Variants in CCDC88A observed in about 807,000 individuals in gnomAD.
CCDC88A encodes coiled-coil and HOOK domain protein 88A.
CCDC88A carries 54 observed loss-of-function variants against 234.3 expected under a neutral mutation model. The observed-to-expected ratio is 0.23, with a 90% CI of 0.19 to 0.29. The LOEUF (loss-of-function observed/expected upper bound fraction) is 0.29, where lower values mean the gene tolerates loss of function less well. Among genes scored for constraint, CCDC88A ranks in the 10% least tolerant of loss-of-function variants. CCDC88A has a pLI of 1.00. For missense variants in CCDC88A, 1,832 were observed against 2,123.4 expected, an observed-to-expected ratio of 0.86 and a Z score of 2.70; for synonymous variants, 753 against 737.8, an observed-to-expected ratio of 1.02 and a Z score of -0.33.
intron 2 of CCDC88A, chr2:55,404,707 T>C (rs762281659): frequency 6.6e-6 from 1 of 152,134 alleles, no homozygotes; most frequent in African/African-American, 2.4e-5. Context: ...AGAAAGAAAC[T>C]GTTTTGGGGA....
chr2:55,312,805 G>T, intron 22 of CCDC88A: 1 of 308,806 alleles, frequency 3.2e-6, no homozygotes. Flanking sequence ...CAAACACTGG[G>T]TCTAATATAT....
chr2:55,403,992 A>G (rs762524156), intron 2 of CCDC88A: 3 of 152,174 alleles, frequency 2.0e-5, no homozygotes, highest in Non-Finnish European at 4.4e-5. Context: ...AGAAATTCCA[A>G]AGTGGGCTGA....
rs1009164912 is a variant in CCDC88A at position 55,318,545 on chromosome 2, G to C, written c.3324+298C>G. Among the ~76,000 whole-genome samples the C allele has an allele frequency of 1.1e-4, 17 of 152,238 alleles. 1 individual carries two copies. The highest frequency in any genetic ancestry group is 4.1e-4 in the African/African-American group (17 of 41,556). ...AGCTATACAAATGAAATAAGGAATA[G>C]TATGCTGCAAGCATACTCTAAAGCA... On this transcript the variant is annotated intron_variant, in intron 19 of 32. Coordinates refer to ENST00000436346, the MANE Select transcript of CCDC88A (RefSeq NM_001365480.1).
chr2:55,390,483 G>C (rs1487277293), intron 2 of CCDC88A, among the ~76,000 whole-genome samples: 2 of 152,186 alleles, frequency 1.3e-5, no homozygotes, highest in Non-Finnish European at 2.9e-5. Context: ...GATTACTCAA[G>C]GGACTAGTTG....
chr2:55,359,382 C>G (rs761760716), intron 7 of CCDC88A, among the ~76,000 whole-genome samples: 50 of 151,778 alleles, frequency 3.3e-4, no homozygotes, highest in Admixed American at 3.3e-4. Flanking sequence ...AGAAAGAAAC[C>G]TGGTATTTTA....
At chr2:55,415,650 A>C (rs1378399287) in intron 2 of CCDC88A, among the ~76,000 whole-genome samples, 1 of 152,200 alleles carries the variant, frequency 6.6e-6, no homozygotes, top group African/African-American at 2.4e-5. Flanking sequence ...AGAGTTGAAC[A>C]GTGAGAAAGA....
intron 3 of CCDC88A, among the ~76,000 whole-genome samples, chr2:55,386,455 G>GTTTGTATTTTATTTT (rs1675658390): frequency 2.6e-5 from 1 of 38,344 alleles, no homozygotes. Flanking sequence ...ATTTTTTGTA[G>GTTTGTATTTTATTTT]ATTGTATTTT....
chr2:55,381,983 A>C (rs1464717919), intron 3 of CCDC88A, among the ~76,000 whole-genome samples: 2 of 152,220 alleles, frequency 1.3e-5, no homozygotes, highest in African/African-American at 4.8e-5. Flanking sequence ...CATATCTGTC[A>C]GTTTATCCAT....
intron 22 of CCDC88A, chr2:55,314,991 A>C (rs180925580): frequency 3.0e-4 from 46 of 152,374 alleles, no homozygotes; most frequent in African/African-American, 1.1e-3. Context: ...GGATGCATAG[A>C]TAGCTAGGGC....
Position 55,317,913 on chromosome 2 carries a change from A to G in CCDC88A, c.3325-72T>C. On this transcript the variant is annotated intron_variant, in intron 19 of 32. Transcript: ENST00000436346. This position sits in a 1 kb window ranked among gnomAD's most constrained non-coding sequence, Gnocchi z 4.2. ...TTCTTTTTCAAAATACAAGATTACA[A>G]TGTTAATTAAAGAAAGCTCTAAATG... The G allele has an allele frequency of 9.1e-7, 1 of 1,100,436 alleles. No homozygotes were observed. The highest frequency in any genetic ancestry group is 1.3e-6 in the Non-Finnish European group (1 of 769,248). The allele number at this position is 1,100,436 out of a possible 1,614,324, so 68.2% of individuals were successfully genotyped here.
Position 55,308,656 on chromosome 2 carries a change from G to A in CCDC88A, c.4387+153C>T, listed in dbSNP as rs1175705613. On this transcript the variant is annotated intron_variant, in intron 25 of 32. Coordinates refer to ENST00000436346, the MANE Select transcript of CCDC88A (RefSeq NM_001365480.1). ...ATTTACCTCAGAAAATTGTGTGGCT[G>A]TACACTAATGCAGTACACAATTAAT... 9 of 613,820 alleles carry A rather than the reference G, an allele frequency of 1.5e-5. No homozygotes were observed. The African/African-American group carries it at 1.5e-4, about 10-fold the overall frequency. The allele number at this position is 613,820 out of a possible 1,614,324, so 38.0% of individuals were successfully genotyped here.
intron 29 of CCDC88A, among the ~76,000 whole-genome samples, chr2:55,297,599 C>T (rs547368235): frequency 4.0e-5 from 6 of 149,282 alleles, no homozygotes; most frequent in East Asian, 4.0e-4. Flanking sequence ...TTAGTAGAGA[C>T]GGGGCTTCAC....
chr2:55,322,712 A>G lies in CCDC88A; in HGVS notation c.2998-20T>C, dbSNP rs775624506. On this transcript the variant is annotated intron_variant, in intron 17 of 32. Coordinates refer to ENST00000436346, the MANE Select transcript of CCDC88A (RefSeq NM_001365480.1). ...TTTCACCTAAAATTTTATTTAAAAT[A>G]TTTTAATGGGGAGAAAAAAATCACC... 2 of 1,342,906 alleles carry G rather than the reference A, an allele frequency of 1.5e-6. No individual in the cohort carries two copies. Among genetic ancestry groups the G allele is most frequent in the South Asian group, 1.5e-5 (1 of 64,542 alleles). 83.2% of individuals were successfully genotyped at this position (1,342,906 alleles called of 1,614,324 possible). A position where few individuals can be genotyped will look rare whatever the true frequency, so the allele number is the denominator to read the frequency against.
At chr2:55,362,177 T>A in intron 7 of CCDC88A, 131 bp downstream of exon 7, 1 of 640,336 alleles carries the variant, frequency 1.6e-6, no homozygotes, top group Non-Finnish European at 2.5e-6. Context: ...GTTCCTGTGT[T>A]CCACACAAAA....
chr2:55,343,687 C>T lies in CCDC88A; in HGVS notation c.1294G>A (p.Glu432Lys). 6.2e-7 allele frequency: 1 copy of T among 1,611,424 alleles called. No individual in the cohort carries two copies. Among genetic ancestry groups the T allele is most frequent in the Non-Finnish European group, 8.5e-7 (1 of 1,178,618 alleles). ...SMDESLHLGW[E>K]LEQISRTSEL... Reference sequence around the variant, plus strand: ...CTAGTTCTGGATATCTGTTCCAGTTCCCAGCCAAGATGTAATGATTCATCC... The same window carrying T: ...CTAGTTCTGGATATCTGTTCCAGTTTCCAGCCAAGATGTAATGATTCATCC... The change falls in exon 12 of 33, where the codon GAA becomes AAA. Residue 432 changes from glutamate to lysine, a missense_variant. Physicochemically the swap from Glu to Lys is moderately conservative, Grantham distance 56 (BLOSUM62 1). Coordinates refer to ENST00000436346, the MANE Select transcript of CCDC88A (RefSeq NM_001365480.1).
chr2:55,344,151 G>A (rs1350810514), intron 11 of CCDC88A: 1 of 382,364 alleles, frequency 2.6e-6, no homozygotes, highest in Non-Finnish European at 4.6e-6. Flanking sequence ...TTAAAAGGTT[G>A]AAGACAACAT....
intron 17 of CCDC88A, among the ~76,000 whole-genome samples, chr2:55,326,493 A>G (rs1008020434): frequency 6.6e-6 from 1 of 152,250 alleles, no homozygotes; most frequent in Admixed American, 6.5e-5. Context: ...TTATAACAAT[A>G]TAAATTCAGT....
chr2:55,406,580 C>T (rs1336668563), intron 2 of CCDC88A, among the ~76,000 whole-genome samples: 2 of 152,040 alleles, frequency 1.3e-5, no homozygotes, highest in African/African-American at 4.8e-5. Context: ...ATGGAAAAAC[C>T]CCGTCTCTAC....
chr2:55,351,511 A>G (rs907976127), intron 8 of CCDC88A, among the ~76,000 whole-genome samples: 1 of 151,876 alleles, frequency 6.6e-6, no homozygotes, highest in Non-Finnish European at 1.5e-5. Flanking sequence ...CACACCCCTA[A>G]TTTTTAAAAA....
Sources: allele counts gnomAD v4.1 joint callset (sites outside exome capture counted in the v4.1 genomes callset), GRCh38; gene constraint gnomAD v4.1.1; non-coding constraint Gnocchi (gnomAD v3.1); transcripts MANE v1.5; gene names NCBI Gene and HGNC (gene_info 2026-07-23, HGNC 2026-07-21).